ADAMTSL3: variants seen among roughly 807,000 people sequenced by gnomAD.
ADAMTSL3 encodes ADAMTS-like protein 3.
ADAMTSL3 carries 128 observed loss-of-function variants against 201.7 expected under a neutral mutation model. That is an observed-to-expected ratio of 0.63 (90% CI 0.55 to 0.73). ADAMTSL3 has a LOEUF of 0.73. Among genes scored for constraint, ADAMTSL3 ranks in the 30% least tolerant of loss-of-function variants. The pLI is 0.00. For synonymous variants in ADAMTSL3, 738 were observed against 748.4 expected, an observed-to-expected ratio of 0.99 and a Z score of 0.23; for missense variants, 1,990 against 2,119.6, an observed-to-expected ratio of 0.94 and a Z score of 1.20.
chr15:84,035,558 T>C (rs1268070857), intron 28 of ADAMTSL3, among the ~76,000 whole-genome samples: 2 of 152,190 alleles, frequency 1.3e-5, no homozygotes, highest in African/African-American at 4.8e-5. Context: ...CAGCACTGTG[T>C]TAAGTAAACC....
intron 16 of ADAMTSL3, among the ~76,000 whole-genome samples, chr15:83,921,230 G>A (rs1057091307): frequency 6.6e-6 from 1 of 152,106 alleles, no homozygotes; most frequent in Non-Finnish European, 1.5e-5. Flanking sequence ...ATTATAGTCC[G>A]AGAATGTTAC....
chr15:83,754,309 C>T (rs186878177), intron 3 of ADAMTSL3, among the ~76,000 whole-genome samples: 2 of 152,234 alleles, frequency 1.3e-5, no homozygotes, highest in African/African-American at 4.8e-5. Flanking sequence ...AGGCCTTGTT[C>T]GATCTGCCTT....
intron 2 of ADAMTSL3, among the ~76,000 whole-genome samples, chr15:83,675,455 G>C (rs2061389864): frequency 6.6e-6 from 1 of 151,972 alleles, no homozygotes; most frequent in South Asian, 2.1e-4. Context: ...AACCAGCCTT[G>C]CATCCCTGAA....
chr15:83,857,344 A>T (rs1319498680), intron 7 of ADAMTSL3, among the ~76,000 whole-genome samples: 2 of 151,908 alleles, frequency 1.3e-5, no homozygotes, highest in South Asian at 4.2e-4. Flanking sequence ...GTTTTTTTTC[A>T]TGTGTTTCCT....
intron 7 of ADAMTSL3, among the ~76,000 whole-genome samples, chr15:83,851,645 T>C (rs1043721098): frequency 1.3e-5 from 2 of 152,144 alleles, no homozygotes; most frequent in Non-Finnish European, 2.9e-5. Context: ...AAATCCAGAA[T>C]ATCCAGGCAA....
chr15:83,811,608 T>A (rs181248269), intron 5 of ADAMTSL3, among the ~76,000 whole-genome samples: 1 of 152,328 alleles, frequency 6.6e-6, no homozygotes, highest in East Asian at 1.9e-4. Flanking sequence ...TCTCTGGGCC[T>A]TGGGGGTTAC....
At chr15:83,713,050 C>G (rs966510743) in intron 3 of ADAMTSL3, among the ~76,000 whole-genome samples, 1 of 152,170 alleles carries the variant, frequency 6.6e-6, no homozygotes, top group African/African-American at 2.4e-5. Flanking sequence ...TTCAGCATCT[C>G]TAGGTTTCCT....
chr15:83,738,641 C>T (rs2062405543), intron 3 of ADAMTSL3, among the ~76,000 whole-genome samples: 1 of 152,188 alleles, frequency 6.6e-6, no homozygotes, highest in Non-Finnish European at 1.5e-5. Flanking sequence ...TACCTTTAAT[C>T]CCAGCACTTT....
chr15:83,825,306 G>C (rs1012092687), intron 6 of ADAMTSL3, among the ~76,000 whole-genome samples: 30 of 152,152 alleles, frequency 2.0e-4, no homozygotes, highest in African/African-American at 7.0e-4. Flanking sequence ...TAATTAAAAT[G>C]AATTGTTATT....
intron 23 of ADAMTSL3, among the ~76,000 whole-genome samples, chr15:84,011,520 T>C (rs1416972575): frequency 6.6e-6 from 1 of 152,198 alleles, no homozygotes; most frequent in Non-Finnish European, 1.5e-5. Flanking sequence ...AAGATCAAGA[T>C]GTGGTGGGGA....
At chr15:83,732,259 G>T (rs545331704) in intron 3 of ADAMTSL3, among the ~76,000 whole-genome samples, 1 of 152,062 alleles carries the variant, frequency 6.6e-6, no homozygotes, top group African/African-American at 2.4e-5. Context: ...TATTTTCTAG[G>T]TACCTTATTT....
chr15:83,695,159 TGTATGTATGTAGC>T (rs2061663839), intron 2 of ADAMTSL3, among the ~76,000 whole-genome samples: 1 of 56,538 alleles, frequency 1.8e-5, no homozygotes, highest in Admixed American at 1.7e-4. Context: ...TATGTGTGTG[TGTATGTATGTAGC>T]ATGTGATGTG....
chr15:83,971,110 G>A (rs2067187010), intron 20 of ADAMTSL3, among the ~76,000 whole-genome samples: 1 of 152,168 alleles, frequency 6.6e-6, no homozygotes, highest in African/African-American at 2.4e-5. Flanking sequence ...ATGGCAGTTT[G>A]TACACCTCAA....
In ADAMTSL3 at chr15:83,892,792, G is replaced by A. The variant is rs755393187; in HGVS notation, c.1371G>A (p.Val457=). 7.4e-6 allele frequency: 12 copies of A among 1,614,126 alleles called. 1 individual carries two copies. In the Admixed American group the frequency reaches 1.7e-4, roughly 22 times the overall value. ...CCATGCATGGAGAGATATTGCAGGTGGAAGAATGGAAGTGCATGTACGCAC... is the reference window on the plus strand; with the variant it reads ...CCATGCATGGAGAGATATTGCAGGTAGAAGAATGGAAGTGCATGTACGCAC... The part of the protein sequence containing the change: ...EESMHGEILQ[V]EEWKCMYAPK... Residue 457 remains valine (V), a synonymous_variant, in exon 13 of 30, where the codon GTG becomes GTA. Transcript: ENST00000286744.
chr15:83,964,609 A>G (rs2067041144), intron 19 of ADAMTSL3, among the ~76,000 whole-genome samples: 1 of 152,224 alleles, frequency 6.6e-6, no homozygotes, highest in South Asian at 2.1e-4. Context: ...TCAGGATATT[A>G]TCAAGGAGAA....
intron 17 of ADAMTSL3, among the ~76,000 whole-genome samples, chr15:83,935,088 T>C (rs2066439041): frequency 2.0e-5 from 3 of 152,176 alleles, no homozygotes; most frequent in Admixed American, 2.0e-4. Flanking sequence ...ATAGGTACAA[T>C]GTACATTATT....
chr15:83,988,191 C>T (rs2067515660), intron 21 of ADAMTSL3, among the ~76,000 whole-genome samples: 1 of 152,180 alleles, frequency 6.6e-6, no homozygotes, highest in Non-Finnish European at 1.5e-5. Context: ...ATGATGACCT[C>T]AATCGACTTC....
intron 25 of ADAMTSL3, 124 bp from the exon 26 acceptor site, chr15:84,021,286 C>T (rs1446442437): frequency 1.1e-5 from 11 of 977,630 alleles, no homozygotes. Flanking sequence ...TATGAGATGG[C>T]TTTCTCTCCA....
Position 83,822,045 on chromosome 15 carries a change from A to C in ADAMTSL3, c.600+1998A>C, listed in dbSNP as rs1179036372. ...CCGGACGGGGTGGCTGGCCGGGCAG[A>C]GGGGCTCCTCACTTCCCAGTAGGGG... is the stretch of plus-strand genomic sequence containing the variant. On this transcript the variant is annotated intron_variant, in intron 6 of 29. Coordinates refer to ENST00000286744, the MANE Select transcript of ADAMTSL3 (RefSeq NM_207517.3). 3.0e-5 allele frequency among the ~76,000 whole-genome samples: 4 copies of C among 131,746 alleles called. No individual in the cohort carries two copies. In the East Asian group the frequency reaches 9.7e-4, roughly 32 times the overall value. 86.4% of individuals were successfully genotyped at this position (131,746 alleles called of 152,430 possible).
Sources: allele counts gnomAD v4.1 joint callset (sites outside exome capture counted in the v4.1 genomes callset), GRCh38; gene constraint gnomAD v4.1.1; transcripts MANE v1.5; gene names NCBI Gene and HGNC (gene_info 2026-07-23, HGNC 2026-07-21).